Variants in HDAC9 observed in about 807,000 individuals in gnomAD.
The protein encoded by HDAC9 is MEF-2 interacting transcription repressor (MITR) protein.
Under a neutral mutation model 139.4 loss-of-function variants are expected in HDAC9, and 41 were observed. That is an observed-to-expected ratio of 0.29 (90% confidence interval 0.23 to 0.38). The LOEUF (loss-of-function observed/expected upper bound fraction) is 0.38, where lower values mean the gene tolerates loss of function less well. Ranked by LOEUF, HDAC9 falls within the 10% of genes least tolerant of loss-of-function variation. HDAC9 has a pLI of 1.00. For synonymous variants in HDAC9, 517 were observed against 476.2 expected, an observed-to-expected ratio of 1.09 and a Z score of -1.12; for missense variants, 1,147 against 1,297.0, an observed-to-expected ratio of 0.88 and a Z score of 1.78.
chr7:18,595,673 A>G (rs1183190781), intron 6 of HDAC9, among the ~76,000 whole-genome samples: 2 of 152,164 alleles, frequency 1.3e-5, no homozygotes, highest in Non-Finnish European at 2.9e-5. Flanking sequence ...TCACAGAGAA[A>G]GACTTCTATC....
intron 1 of HDAC9, among the ~76,000 whole-genome samples, chr7:18,123,809 A>G (rs1015251036): frequency 6.6e-6 from 1 of 152,168 alleles, no homozygotes; most frequent in Non-Finnish European, 1.5e-5. Context: ...TCTCTCACAT[A>G]ATAAGTCTAA....
At chr7:18,798,287 T>TA (rs1792983887) in intron 17 of HDAC9, among the ~76,000 whole-genome samples, 1 of 152,134 alleles carries the variant, frequency 6.6e-6, no homozygotes, top group Non-Finnish European at 1.5e-5. Flanking sequence ...CTTTTCTCCA[T>TA]AAAAACAATG....
At chr7:18,684,253 CAA>C (rs61100280) in intron 12 of HDAC9, among the ~76,000 whole-genome samples, 6 of 142,800 alleles carry the variant, frequency 4.2e-5, no homozygotes, top group African/African-American at 7.6e-5. Context: ...GACCCTATCT[CAA>C]AAAAAAAAAA....
intron 25 of HDAC9, among the ~76,000 whole-genome samples, chr7:18,991,456 T>C (rs1279720761): frequency 6.6e-6 from 1 of 152,094 alleles, no homozygotes; most frequent in Admixed American, 6.5e-5. Flanking sequence ...GCTAACACGG[T>C]GAAACCCTGT....
chr7:18,857,054 A>G (rs1217911326), intron 21 of HDAC9, among the ~76,000 whole-genome samples: 1 of 151,176 alleles, frequency 6.6e-6, no homozygotes, highest in East Asian at 1.9e-4. Flanking sequence ...TCAACTCTTC[A>G]CTCCCATATA....
rs144479788 is a variant in HDAC9, at chr7:18,716,400, C to G, written c.1732-11180C>G. Among the ~76,000 whole-genome samples, 1,280 of 152,148 alleles carry G rather than the reference C, an allele frequency of 8.4e-3. 5 individuals are homozygous for G. The highest frequency in any genetic ancestry group is 0.014 in the Non-Finnish European group (978 of 67,966). ...TGCAAAAGACATTACTTATTGTGGA[C>G]TTGTTATTTATTTAATTTCAAAATT... is the stretch of plus-strand genomic sequence containing the variant. On this transcript the variant is annotated intron_variant, in intron 12 of 25. Coordinates refer to ENST00000686413, the MANE Select transcript of HDAC9 (RefSeq NM_178425.4).
At chr7:18,672,274 G>A (rs924343561) in intron 12 of HDAC9, among the ~76,000 whole-genome samples, 9 of 151,876 alleles carry the variant, frequency 5.9e-5, no homozygotes, top group Non-Finnish European at 1.3e-4. Context: ...TATCATTGTT[G>A]CTTTGATTTA....
intron 1 of HDAC9, among the ~76,000 whole-genome samples, chr7:18,329,983 ATG>A (rs35227059): frequency 1.1e-3 from 124 of 111,368 alleles, no homozygotes; most frequent in Middle Eastern, 4.5e-3. Context: ...GCTTGTGTGT[ATG>A]TGTGTGTGTG....
chr7:18,243,840 C>T (rs1000488199), intron 2 of HDAC9, among the ~76,000 whole-genome samples: 1 of 152,146 alleles, frequency 6.6e-6, no homozygotes, highest in Non-Finnish European at 1.5e-5. Flanking sequence ...AGTTTCACAG[C>T]AGGAGAAGAT....
At chr7:18,284,364 C>T (rs1357122979) in intron 2 of HDAC9, among the ~76,000 whole-genome samples, 1 of 152,114 alleles carries the variant, frequency 6.6e-6, no homozygotes, top group African/African-American at 2.4e-5. Context: ...TTCTGTTTCA[C>T]AGGTTCAGAT....
intron 8 of HDAC9, among the ~76,000 whole-genome samples, chr7:18,642,835 TTCTC>T (rs1235902665): frequency 1.3e-5 from 2 of 152,044 alleles, no homozygotes; most frequent in Non-Finnish European, 1.5e-5. Flanking sequence ...ATCACAGAAA[TTCTC>T]TCTGGGAAAC....
chr7:18,696,474 C>CTTT (rs886105200), intron 12 of HDAC9, among the ~76,000 whole-genome samples: 1 of 139,982 alleles, frequency 7.1e-6, no homozygotes, highest in Non-Finnish European at 1.6e-5. Flanking sequence ...TCTTTTTTTG[C>CTTT]TTTTTTTTTT....
chr7:18,651,692 A>C (rs1313408117), intron 11 of HDAC9, among the ~76,000 whole-genome samples: 1 of 152,124 alleles, frequency 6.6e-6, no homozygotes, highest in Non-Finnish European at 1.5e-5. Context: ...GTGTAACTAC[A>C]TAATGTAACT....
intron 21 of HDAC9, among the ~76,000 whole-genome samples, chr7:18,839,006 A>G (rs1796416095): frequency 2.6e-5 from 4 of 152,028 alleles, no homozygotes; most frequent in South Asian, 4.1e-4. Flanking sequence ...TAAAAAATAT[A>G]ATAGAATAAC....
intron 1 of HDAC9, among the ~76,000 whole-genome samples, chr7:18,389,399 G>A (rs1380113807): frequency 1.3e-5 from 2 of 152,206 alleles, no homozygotes; most frequent in Non-Finnish European, 2.9e-5. Context: ...GCCCTGTAGT[G>A]ATGGTAGCTT....
At chr7:18,536,211 G>A (rs527264170) in intron 2 of HDAC9, among the ~76,000 whole-genome samples, 20 of 152,300 alleles carry the variant, frequency 1.3e-4, no homozygotes, top group African/African-American at 4.3e-4. Flanking sequence ...TCTAAAGTAT[G>A]TGTTGTGCAC....
chr7:18,747,189 C>T (rs1788050140), intron 13 of HDAC9, among the ~76,000 whole-genome samples: 1 of 152,040 alleles, frequency 6.6e-6, no homozygotes, highest in Non-Finnish European at 1.5e-5. Context: ...TGGGGAGGGG[C>T]CTATGTATGC....
intron 1 of HDAC9, among the ~76,000 whole-genome samples, chr7:18,489,141 A>G (rs1205732093): frequency 6.6e-6 from 1 of 152,076 alleles, no homozygotes; most frequent in East Asian, 1.9e-4. Flanking sequence ...TTCATTGCAG[A>G]AATATTTATT....
chr7:18,531,358 TTTAC>T (rs1170544468), intron 2 of HDAC9, among the ~76,000 whole-genome samples: 1 of 152,098 alleles, frequency 6.6e-6, no homozygotes, highest in East Asian at 1.9e-4. Flanking sequence ...AAATTACTCT[TTTAC>T]TTAAGAAAAT....
Sources: allele counts gnomAD v4.1 joint callset (sites outside exome capture counted in the v4.1 genomes callset), GRCh38; gene constraint gnomAD v4.1.1; transcripts MANE v1.5; gene names NCBI Gene and HGNC (gene_info 2026-07-23, HGNC 2026-07-21).